Variants in SH3RF3 observed in about 807,000 individuals in gnomAD.
SH3RF3 encodes SH3 domain containing ring finger 3.
SH3RF3 carries 29 observed loss-of-function variants against 66.3 expected under a neutral mutation model. The ratio of observed to expected loss-of-function variants is 0.44; its 90% confidence interval spans 0.33 to 0.60. SH3RF3 has a LOEUF of 0.60. Among genes scored for constraint, SH3RF3 ranks in the 20% least tolerant of loss-of-function variants. The pLI is 0.04. For missense variants in SH3RF3, 1,194 were observed against 1,190.9 expected (o/e 1.00, Z -0.04); for synonymous variants, 583 against 532.0 (o/e 1.10, Z -1.32).
At chr2:109,470,483 G>A (rs920691350) in intron 8 of SH3RF3, among the ~76,000 whole-genome samples, 11 of 152,190 alleles carry the variant, frequency 7.2e-5, no homozygotes, top group Admixed American at 5.2e-4. Flanking sequence ...GTTGCCCTCT[G>A]GTCATTCACT....
At chr2:109,317,911 C>G (rs567429351) in intron 1 of SH3RF3, among the ~76,000 whole-genome samples, 64 of 151,992 alleles carry the variant, frequency 4.2e-4, no homozygotes, top group Non-Finnish European at 7.6e-4. Flanking sequence ...AGCAGCAGCT[C>G]GCTGGCTGCA....
At chr2:109,244,773 T>A (rs1404426409) in intron 1 of SH3RF3, among the ~76,000 whole-genome samples, 1 of 152,166 alleles carries the variant, frequency 6.6e-6, no homozygotes, top group Non-Finnish European at 1.5e-5. Context: ...TGAGGCAGCC[T>A]GTGGCCCAGG....
intron 1 of SH3RF3, among the ~76,000 whole-genome samples, chr2:109,340,752 A>G (rs774983762): frequency 6.6e-6 from 1 of 152,210 alleles, no homozygotes; most frequent in African/African-American, 2.4e-5. Context: ...GAAGCACGGA[A>G]GGGCAGATTT....
chr2:109,450,108 G>T (rs1677824428), intron 8 of SH3RF3, among the ~76,000 whole-genome samples: 1 of 152,216 alleles, frequency 6.6e-6, no homozygotes, highest in African/African-American at 2.4e-5. Context: ...CACTTTGGGA[G>T]GCTGAGGCGG....
intron 1 of SH3RF3, among the ~76,000 whole-genome samples, chr2:109,333,288 T>G (rs1167892459): frequency 6.6e-6 from 1 of 152,244 alleles, no homozygotes; most frequent in Non-Finnish European, 1.5e-5. Context: ...AAAAGAGCCC[T>G]AGCATATCCT....
intron 1 of SH3RF3, among the ~76,000 whole-genome samples, chr2:109,294,238 G>T (rs576098246): frequency 6.6e-6 from 1 of 152,134 alleles, no homozygotes; most frequent in Non-Finnish European, 1.5e-5. Context: ...GACATGGGGA[G>T]CTGCTCTGAA....
chr2:109,468,124 C>T (rs927799180), intron 8 of SH3RF3, among the ~76,000 whole-genome samples: 5 of 152,218 alleles, frequency 3.3e-5, no homozygotes, highest in African/African-American at 4.8e-5. Flanking sequence ...CTGAAAAACG[C>T]GTCGTTTGGT....
At chr2:109,261,858 T>G (rs1459826725) in intron 1 of SH3RF3, among the ~76,000 whole-genome samples, 1 of 152,236 alleles carries the variant, frequency 6.6e-6, no homozygotes, top group African/African-American at 2.4e-5. Flanking sequence ...GCTTGCCTTT[T>G]TTTTTTAAAT....
At chr2:109,304,750 T>G (rs1681552163) in intron 1 of SH3RF3, among the ~76,000 whole-genome samples, 1 of 152,040 alleles carries the variant, frequency 6.6e-6, no homozygotes, top group Non-Finnish European at 1.5e-5. Flanking sequence ...TAGGGAGAGG[T>G]GCAGCCTGTG....
In SH3RF3 at chr2:109,395,168, G is replaced by A. The variant is rs74335243; in HGVS notation, c.946-3422G>A. ...GGACTCCGCAGGCAGGCCAGTGCGT[G>A]CGCTACTCGCATGCCTGTGTGAGTA... On this transcript the variant is annotated intron_variant, in intron 3 of 9. Transcript: ENST00000309415. 7.3e-3 allele frequency among the ~76,000 whole-genome samples: 1,107 copies of A among 152,364 alleles called. 13 individuals carry two copies. Among genetic ancestry groups the A allele is most frequent in the East Asian group, 0.052 (270 of 5,176 alleles).
chr2:109,453,839 G>A (rs1677958976), intron 8 of SH3RF3, among the ~76,000 whole-genome samples: 1 of 152,220 alleles, frequency 6.6e-6, no homozygotes, highest in Admixed American at 6.5e-5. Context: ...GGTCAGGGGA[G>A]ACTTCCCGGG....
intron 1 of SH3RF3, among the ~76,000 whole-genome samples, chr2:109,260,709 C>A (rs1680329183): frequency 6.6e-6 from 1 of 152,156 alleles, no homozygotes; most frequent in Admixed American, 6.5e-5. Flanking sequence ...AGAAGACTTG[C>A]AATCTTATGG....
intron 1 of SH3RF3, among the ~76,000 whole-genome samples, chr2:109,284,520 G>A (rs928162735): frequency 5.9e-5 from 9 of 152,180 alleles, no homozygotes; most frequent in Admixed American, 2.0e-4. Context: ...GGAAGCCACT[G>A]GAGTCACATC....
At chr2:109,143,768 AAAC>A (rs1189709687) in intron 1 of SH3RF3, among the ~76,000 whole-genome samples, 1 of 44,202 alleles carries the variant, frequency 2.3e-5, no homozygotes, top group Non-Finnish European at 1.2e-4. Flanking sequence ...AAAACAAAAC[AAAC>A]AAACAAACAA....
At chr2:109,350,673 T>A (rs1682818462) in intron 2 of SH3RF3, among the ~76,000 whole-genome samples, 1 of 152,162 alleles carries the variant, frequency 6.6e-6, no homozygotes. Context: ...CCACGGTGGG[T>A]CCGACCCACC....
chr2:109,176,789 C>T (rs1226088091), intron 1 of SH3RF3, among the ~76,000 whole-genome samples: 1 of 152,138 alleles, frequency 6.6e-6, no homozygotes, highest in Non-Finnish European at 1.5e-5. Flanking sequence ...GTTCCGCTGG[C>T]AGAAGTTAGG....
At chr2:109,213,231 T>G (rs1020351226) in intron 1 of SH3RF3, among the ~76,000 whole-genome samples, 12 of 152,280 alleles carry the variant, frequency 7.9e-5, no homozygotes, top group African/African-American at 2.9e-4. Flanking sequence ...CAGGGCTGCT[T>G]CTGAGCTCAG....
At chr2:109,375,366 C>A (rs755108332) in intron 3 of SH3RF3, among the ~76,000 whole-genome samples, 7 of 152,246 alleles carry the variant, frequency 4.6e-5, no homozygotes, top group Non-Finnish European at 7.3e-5. Flanking sequence ...TCCCTGACAC[C>A]TGTTCATCAG....
intron 1 of SH3RF3, among the ~76,000 whole-genome samples, chr2:109,147,001 C>A (rs946988731): frequency 1.3e-4 from 19 of 151,036 alleles, no homozygotes; most frequent in African/African-American, 3.9e-4. Context: ...GGACTCATCT[C>A]CCAACCTGAT....
Sources: gnomAD v4.1 joint callset for allele counts (sites outside exome capture counted in the v4.1 genomes callset) on GRCh38, gnomAD v4.1.1 for gene constraint, MANE v1.5 for transcripts, NCBI Gene and HGNC (gene_info 2026-07-23, HGNC 2026-07-21) for gene names.